The following YY1AP1 variants were observed in gnomAD, a reference collection of about 807,000 sequenced individuals.
YY1AP1 encodes YY1 associated protein 1.
A neutral mutation model predicts 39.9 loss-of-function variants in YY1AP1; 43 were observed. The observed-to-expected ratio is 1.08, with a 90% CI of 0.84 to 1.39. The LOEUF (loss-of-function observed/expected upper bound fraction) is 1.39. Among genes scored for constraint, YY1AP1 ranks in the 40% most tolerant of loss-of-function variants. YY1AP1 has a pLI of 0.00. For missense variants in YY1AP1, 813 were observed against 900.7 expected, an observed-to-expected ratio of 0.90 and a Z score of 1.25; for synonymous variants, 292 against 331.3, an observed-to-expected ratio of 0.88 and a Z score of 1.29.
chr1:155,688,428 T>C lies in YY1AP1; in HGVS notation c.-151-227A>G, dbSNP rs1466743439. On this transcript the variant is annotated intron_variant, in intron 1 of 10. Transcript: ENST00000355499. ...CTCCCACTCCTCCCTCCTCGCGTTC[T>C]TCCCCACGGTCCCCCGCTTCGCCCG... The C allele has an allele frequency of 1.9e-6, 3 of 1,546,530 alleles. No individual in the cohort carries two copies. The African/African-American group carries it at 4.1e-5, about 21-fold the overall frequency.
At chr1:155,679,834 C>T (rs1651264008) in intron 3 of YY1AP1, 1 of 1,167,004 alleles carries the variant, frequency 8.6e-7, no homozygotes. Context: ...GTGCAAAATA[C>T]TTTAAAACTA....
intron 3 of YY1AP1, 80 bp downstream of exon 3, chr1:155,680,336 G>T: frequency 6.7e-7 from 1 of 1,498,186 alleles, no homozygotes; most frequent in Non-Finnish European, 9.3e-7. Flanking sequence ...TCTAGAAGGA[G>T]CATCACAGAG....
chr1:155,665,268 T>G (rs1437199174), intron 9 of YY1AP1, among the ~76,000 whole-genome samples: 1 of 150,588 alleles, frequency 6.6e-6, no homozygotes, highest in East Asian at 2.0e-4. Context: ...TTTTTAAAAT[T>G]CAGAAAAAAA....
rs573959426 is a variant in YY1AP1 at position 155,684,026 on chromosome 1, G to A, written c.-20-3570C>T. The stretch of plus-strand genomic sequence containing the variant: ...ACTTTGGAAGGCCGAGACGGCTGGA[G>A]AACTTGAGGTTAGGAGTTCGTGACC... On this transcript the variant is annotated intron_variant, in intron 2 of 10. Transcript: ENST00000355499. 2.0e-5 allele frequency among the ~76,000 whole-genome samples: 3 copies of A among 152,266 alleles called. No homozygotes were observed. In the East Asian group the frequency reaches 5.8e-4, roughly 29 times the overall value.
At chr1:155,683,755 C>G (rs191124529) in intron 2 of YY1AP1, among the ~76,000 whole-genome samples, 2 of 139,820 alleles carry the variant, frequency 1.4e-5, no homozygotes, top group Non-Finnish European at 1.6e-5. Context: ...CAATTTAGTT[C>G]CAAGACTTAG....
chr1:155,685,273 C>G (rs578141677), intron 2 of YY1AP1, among the ~76,000 whole-genome samples: 2 of 152,178 alleles, frequency 1.3e-5, no homozygotes, highest in South Asian at 4.1e-4. Context: ...ATATGTTTCC[C>G]TCTTCCTTGT....
chr1:155,677,163 G>T (rs1308554228), intron 4 of YY1AP1, among the ~76,000 whole-genome samples: 2 of 152,080 alleles, frequency 1.3e-5, no homozygotes, highest in East Asian at 3.9e-4. Context: ...TATCTACTCA[G>T]GCTGCACTGC....
At chr1:155,679,923 C>T (rs1651275334) in intron 3 of YY1AP1, 1 of 417,380 alleles carries the variant, frequency 2.4e-6, no homozygotes, top group Non-Finnish European at 3.7e-6. Flanking sequence ...TGTGCTGGCT[C>T]ACACCTGTAA....
chr1:155,667,964 A>G (rs1362262108), intron 9 of YY1AP1, among the ~76,000 whole-genome samples: 1 of 151,806 alleles, frequency 6.6e-6, no homozygotes, highest in Non-Finnish European at 1.5e-5. Flanking sequence ...ACACACACAC[A>G]CACACACACA....
chr1:155,674,506 AGAT>A (rs1458332194), intron 6 of YY1AP1, among the ~76,000 whole-genome samples: 1 of 152,068 alleles, frequency 6.6e-6, no homozygotes, highest in East Asian at 1.9e-4. Flanking sequence ...GTGAATCTAA[AGAT>A]GAGGAGGAGG....
chr1:155,675,151 A>T, intron 5 of YY1AP1, 55 bp from the exon 6 acceptor site: 1 of 1,531,094 alleles, frequency 6.5e-7, no homozygotes, highest in African/African-American at 1.4e-5. Context: ...CCATTTCAGG[A>T]GCCCAGAGAT....
chr1:155,670,001 G>A (rs948710182), intron 8 of YY1AP1, among the ~76,000 whole-genome samples: 6 of 152,112 alleles, frequency 3.9e-5, no homozygotes, highest in African/African-American at 1.4e-4. Flanking sequence ...CTCCAGCCTG[G>A]GTGACAGAGT....
intron 5 of YY1AP1, among the ~76,000 whole-genome samples, chr1:155,675,949 C>A (rs149384924): frequency 1.3e-5 from 2 of 152,112 alleles, no homozygotes; most frequent in Non-Finnish European, 1.5e-5. Flanking sequence ...AAAGGCCGGG[C>A]GCAGTGACTC....
At chr1:155,678,959 C>T (rs996883245) in intron 4 of YY1AP1, among the ~76,000 whole-genome samples, 1 of 152,198 alleles carries the variant, frequency 6.6e-6, no homozygotes, top group African/African-American at 2.4e-5. Flanking sequence ...AAGGTCAGCA[C>T]GTATGTTTCA....
intron 2 of YY1AP1, among the ~76,000 whole-genome samples, chr1:155,686,575 CCATT>C (rs1344682261): frequency 7.2e-5 from 11 of 152,090 alleles, no homozygotes; most frequent in Admixed American, 5.2e-4. Context: ...AAGGCATGGA[CCATT>C]CATTGAATGG....
chr1:155,674,985 G>A, intron 6 of YY1AP1, 25 bp downstream of exon 6: 1 of 1,590,642 alleles, frequency 6.3e-7, no homozygotes, highest in Non-Finnish European at 8.6e-7. Flanking sequence ...CTAGTCTATA[G>A]AATTACGGCA....
intron 2 of YY1AP1, among the ~76,000 whole-genome samples, chr1:155,685,120 CA>C (rs1180481023): frequency 1.3e-5 from 2 of 152,104 alleles, no homozygotes; most frequent in Non-Finnish European, 2.9e-5. Context: ...TTCCTTTATA[CA>C]AAAACACCAG....
At position 155,661,304 on chromosome 1, in the gene YY1AP1, T is replaced by G; in HGVS notation, c.996+3A>C. On this transcript the variant is annotated splice_donor_region_variant and intron_variant, in intron 10 of 10. Coordinates refer to ENST00000355499, the MANE Select transcript of YY1AP1 (RefSeq NM_139119.3). ...CTACAGACTTCGAGGAAGAGGGCTG[T>G]ACCTTTAACCAGAATGGGAGCCGGT... is the stretch of plus-strand genomic sequence containing the variant. 2 of 1,613,968 alleles carry G rather than the reference T, an allele frequency of 1.2e-6. No individual in the cohort carries two copies. Among genetic ancestry groups the G allele is most frequent in the Non-Finnish European group, 1.7e-6 (2 of 1,179,862 alleles).
At chr1:155,679,378 T>C (rs762771962) in intron 4 of YY1AP1, 31 bp downstream of exon 4, 37 of 1,613,908 alleles carry the variant, frequency 2.3e-5, no homozygotes, top group East Asian at 1.3e-4. Context: ...TCTTCCTCTA[T>C]TCCAAATCTC....
Sources: allele counts gnomAD v4.1 joint callset (sites outside exome capture counted in the v4.1 genomes callset), GRCh38; gene constraint gnomAD v4.1.1; transcripts MANE v1.5; gene names NCBI Gene and HGNC (gene_info 2026-07-23, HGNC 2026-07-21).